The following SGCZ variants were observed in gnomAD, a reference collection of about 807,000 sequenced individuals.
The protein encoded by SGCZ is zeta-sarcoglycan.
In SGCZ, 40 loss-of-function variants were observed where a neutral mutation model predicts 41.3. The observed-to-expected ratio is 0.97, with a 90% CI of 0.75 to 1.26. The LOEUF is 1.26. SGCZ is among the 50% of genes most tolerant of loss of function. SGCZ has a pLI of 0.00. For missense variants in SGCZ, 552 were observed against 369.8 expected (o/e 1.49, Z -4.04); for synonymous variants, 206 against 137.5 (o/e 1.50, Z -3.49).
intron 1 of SGCZ, among the ~76,000 whole-genome samples, chr8:15,202,926 C>G (rs28690419): frequency 0.021 from 3,168 of 152,144 alleles, 106 homozygotes; most frequent in African/African-American, 0.073. Context: ...GCCTGGCCAA[C>G]ATGGTGAAAC....
chr8:15,023,253 T>C (rs529876724), intron 1 of SGCZ, among the ~76,000 whole-genome samples: 64 of 152,302 alleles, frequency 4.2e-4, no homozygotes, highest in Non-Finnish European at 8.1e-4. Flanking sequence ...AAGTTTAAGA[T>C]TGACTATCAT....
chr8:14,976,161 A>G (rs944455081), intron 1 of SGCZ, among the ~76,000 whole-genome samples: 1 of 151,764 alleles, frequency 6.6e-6, no homozygotes, highest in African/African-American at 2.4e-5. Flanking sequence ...TAGCTGGGAT[A>G]CAGGCGCTCA....
chr8:14,259,232 T>C (rs371629083), intron 3 of SGCZ, among the ~76,000 whole-genome samples: 2 of 152,156 alleles, frequency 1.3e-5, no homozygotes, highest in Non-Finnish European at 2.9e-5. Context: ...ATGAATAGAA[T>C]TGGACCCACA....
At chr8:14,424,537 C>G (rs1404839453) in intron 2 of SGCZ, among the ~76,000 whole-genome samples, 1 of 151,952 alleles carries the variant, frequency 6.6e-6, no homozygotes, top group African/African-American at 2.4e-5. Context: ...TGTATATATC[C>G]CATATGGTAC....
intron 1 of SGCZ, among the ~76,000 whole-genome samples, chr8:14,709,355 C>G (rs1415076232): frequency 6.6e-6 from 1 of 152,144 alleles, no homozygotes; most frequent in Non-Finnish European, 1.5e-5. Flanking sequence ...ATTACTTCAG[C>G]TTAAATAATA....
chr8:15,202,550 T>C (rs1428703299), intron 1 of SGCZ, among the ~76,000 whole-genome samples: 1 of 152,094 alleles, frequency 6.6e-6, no homozygotes, highest in Non-Finnish European at 1.5e-5. Context: ...GGGTACAATG[T>C]ACACTTCTTG....
chr8:14,085,659 G>T lies in SGCZ; in HGVS notation c.*4784C>A, dbSNP rs995021997. 1.3e-5 allele frequency among the ~76,000 whole-genome samples: 2 copies of T among 151,710 alleles called. No individual in the cohort carries two copies. Among genetic ancestry groups the T allele is most frequent in the Admixed American group, 1.3e-4 (2 of 15,174 alleles). On this transcript the variant is annotated 3_prime_UTR_variant, in exon 8 of 8. Transcript: ENST00000382080. Reference sequence around the variant, plus strand: ...TTGAAACTCAGCTGAGGAGATCCATGCTGGGCCCATTTTGGGATACGGTCT... The same window carrying T: ...TTGAAACTCAGCTGAGGAGATCCATTCTGGGCCCATTTTGGGATACGGTCT...
chr8:14,967,517 T>A (rs1801160355), intron 1 of SGCZ, among the ~76,000 whole-genome samples: 1 of 152,138 alleles, frequency 6.6e-6, no homozygotes, highest in Non-Finnish European at 1.5e-5. Flanking sequence ...ATTTCCAGAC[T>A]CTCATACTCA....
At chr8:14,507,036 CTG>C (rs1053465753) in intron 2 of SGCZ, among the ~76,000 whole-genome samples, 1 of 152,166 alleles carries the variant, frequency 6.6e-6, no homozygotes, top group African/African-American at 2.4e-5. Flanking sequence ...CTTTCAATCT[CTG>C]TGATTGCCTG....
chr8:14,494,415 T>C (rs1344685518), intron 2 of SGCZ, among the ~76,000 whole-genome samples: 1 of 152,148 alleles, frequency 6.6e-6, no homozygotes, highest in Non-Finnish European at 1.5e-5. Context: ...AAAAGTTTTA[T>C]GATGAGAGAA....
intron 1 of SGCZ, among the ~76,000 whole-genome samples, chr8:14,802,104 T>C (rs1256233105): frequency 6.6e-6 from 1 of 152,342 alleles, no homozygotes; most frequent in African/African-American, 2.4e-5. Flanking sequence ...GCGTTAACTA[T>C]GATTTAGCCA....
intron 2 of SGCZ, among the ~76,000 whole-genome samples, chr8:14,416,212 G>A (rs1799488780): frequency 6.6e-6 from 1 of 151,820 alleles, no homozygotes; most frequent in Non-Finnish European, 1.5e-5. Context: ...ACACATTCTT[G>A]CCAGAAGGCC....
intron 1 of SGCZ, among the ~76,000 whole-genome samples, chr8:15,189,572 T>G (rs1800464748): frequency 6.6e-6 from 1 of 151,880 alleles, no homozygotes; most frequent in Admixed American, 6.6e-5. Flanking sequence ...GAAGCATTTT[T>G]TTTTTTGAGA....
chr8:14,836,008 G>C (rs559120851), intron 1 of SGCZ, among the ~76,000 whole-genome samples: 1 of 152,216 alleles, frequency 6.6e-6, no homozygotes, highest in South Asian at 2.1e-4. Context: ...AAATAAAGCA[G>C]CTGAAACCAT....
intron 3 of SGCZ, among the ~76,000 whole-genome samples, chr8:14,248,910 AAT>A (rs1191599238): frequency 6.6e-6 from 1 of 152,164 alleles, no homozygotes; most frequent in Non-Finnish European, 1.5e-5. Flanking sequence ...ATTTATGACA[AAT>A]ATGTTTCTAT....
At chr8:14,333,664 C>G (rs897547894) in intron 2 of SGCZ, among the ~76,000 whole-genome samples, 1 of 152,068 alleles carries the variant, frequency 6.6e-6, no homozygotes, top group Non-Finnish European at 1.5e-5. Context: ...ACAGAGGTCT[C>G]CTAACATTTT....
intron 1 of SGCZ, among the ~76,000 whole-genome samples, chr8:15,044,438 C>T (rs1047896140): frequency 6.6e-6 from 1 of 152,116 alleles, no homozygotes; most frequent in African/African-American, 2.4e-5. Context: ...TCTGCCTTTG[C>T]CTTTTGGTGA....
At chr8:14,883,834 GTTGT>G (rs1804687896) in intron 1 of SGCZ, among the ~76,000 whole-genome samples, 1 of 84,438 alleles carries the variant, frequency 1.2e-5, no homozygotes, top group African/African-American at 4.6e-5. Context: ...TGTTGTTGTT[GTTGT>G]TTGTTTCTAG....
chr8:14,279,079 T>C (rs536275679), intron 3 of SGCZ, among the ~76,000 whole-genome samples: 37 of 152,088 alleles, frequency 2.4e-4, no homozygotes, highest in Non-Finnish European at 4.6e-4. Context: ...TCTTACTATA[T>C]AATTTAATCT....
Sources: gnomAD v4.1 joint callset for allele counts (sites outside exome capture counted in the v4.1 genomes callset) on GRCh38, gnomAD v4.1.1 for gene constraint, MANE v1.5 for transcripts, NCBI Gene and HGNC (gene_info 2026-07-23, HGNC 2026-07-21) for gene names.